DNAH2: variants seen among roughly 807,000 people sequenced by gnomAD.
DNAH2 encodes the protein dynein axonemal heavy chain 2, also known as axonemal beta dynein heavy chain 2.
Under a neutral mutation model 523.5 loss-of-function variants are expected in DNAH2, and 323 were observed. The ratio of observed to expected loss-of-function variants is 0.62; its 90% CI spans 0.56 to 0.68. The LOEUF (loss-of-function observed/expected upper bound fraction) is 0.68. Among genes scored for constraint, DNAH2 ranks in the 30% least tolerant of loss-of-function variants. The pLI, the probability that DNAH2 is intolerant of heterozygous loss-of-function variation, is 0.00. For missense variants in DNAH2, 4,907 were observed against 5,701.5 expected, an observed-to-expected ratio of 0.86 and a Z score of 4.49; for synonymous variants, 2,093 against 2,177.4, an observed-to-expected ratio of 0.96 and a Z score of 1.08.
At position 7,780,936 on chromosome 17, in the gene DNAH2, C is replaced by A. The variant is rs780183577; in HGVS notation, c.6004-106C>A. 5 of 1,585,088 alleles carry A rather than the reference C, an allele frequency of 3.2e-6. No homozygotes were observed. Among genetic ancestry groups the A allele is most frequent in the Non-Finnish European group, 4.3e-6 (5 of 1,161,036 alleles). ...GTGTTGCCCGCTGCTTTGCTAATGG[C>A]TAACTGGTGTATCCATTGTTCTTGG... On this transcript the variant is annotated intron_variant, in intron 38 of 85. Transcript: ENST00000572933. This position sits in a 1 kb window ranked among gnomAD's most constrained non-coding sequence, Gnocchi z 4.4.
In DNAH2 at chr17:7,763,997, G is replaced by A; in HGVS notation, c.3145G>A (p.Glu1049Lys). 6.2e-7 allele frequency: 1 copy of A among 1,614,186 alleles called. No homozygotes were observed. Among genetic ancestry groups the A allele is most frequent in the South Asian group, 1.1e-5 (1 of 91,084 alleles). Residue 1049 changes from glutamate to lysine, a missense_variant, in exon 19 of 86, where the codon GAG becomes AAG. Transcript: ENST00000572933. ...GGAGATGGCTGCTGGGCGCCTCCTG[G>A]AGCTGCACACCTACCTGAAGGAGAA... The part of the protein sequence containing the change: ...LREMAAGRLL[E>K]LHTYLKENAE...
rs2076139747 is a variant in DNAH2, at chr17:7,765,439, C to T, written c.3385C>T (p.Gln1129Ter). The T allele has an allele frequency of 6.2e-7, 1 of 1,614,108 alleles. No individual in the cohort carries two copies. The highest frequency in any genetic ancestry group is 8.5e-7 in the Non-Finnish European group (1 of 1,180,036). The change falls in exon 21 of 86, where the codon CAA becomes TAA. Residue 1129 changes from glutamine (Q) to a stop codon, truncating the protein, a stop_gained. Coordinates refer to ENST00000572933, the MANE Select transcript of DNAH2 (RefSeq NM_020877.5). LOFTEE classifies it high-confidence loss of function. ...CAACGGGGAGTGGGTTGTCTTCCAA[C>T]AAACTCTGCTGGACAGTAAGCAAAT... ...SLNGEWVVFQQTLLDSKQMLK... is the reference protein window; with the variant it reads ...SLNGEWVVFQ
chr17:7,807,670 T>C lies in DNAH2; in HGVS notation c.9729+84T>C. 1 of 1,215,282 alleles carries C rather than the reference T, an allele frequency of 8.2e-7. No individual in the cohort carries two copies. The highest frequency in any genetic ancestry group is 1.2e-6 in the Non-Finnish European group (1 of 842,876). 75.3% of individuals were successfully genotyped at this position (1,215,282 alleles called of 1,614,324 possible). On this transcript the variant is annotated intron_variant, in intron 63 of 85. Transcript: ENST00000572933. This position sits in a 1 kb window ranked among gnomAD's most constrained non-coding sequence, Gnocchi z 5.6. ...CATTAAGCATTTGTTTTCCCCCATCTAATTCTAGCCCCCTTCCCCATGTCC... is the reference window on the plus strand; with the variant it reads ...CATTAAGCATTTGTTTTCCCCCATCCAATTCTAGCCCCCTTCCCCATGTCC...
chr17:7,824,557 A>C lies in DNAH2; in HGVS notation c.11683A>C (p.Asn3895His). The part of the protein sequence containing the change: ...VTQGHWVFLA[N>H]CHLSLSWMPN... ...TGCAGGACACTGGGTGTTCCTGGCA[A>C]ACTGCCACCTGTCACTGTCTTGGAT... The change falls in exon 77 of 86, where the codon AAC (asparagine) becomes CAC (histidine). Residue 3895 changes from asparagine to histidine, a missense_variant. By Grantham distance (68) the Asn-to-His change is moderately conservative. Transcript: ENST00000572933. 1 of 1,570,714 alleles carries C rather than the reference A, an allele frequency of 6.4e-7. No homozygotes were observed. Among genetic ancestry groups the C allele is most frequent in the Non-Finnish European group, 8.7e-7 (1 of 1,151,364 alleles).
At chr17:7,722,123 C>T (rs938716184) in intron 2 of DNAH2, among the ~76,000 whole-genome samples, 5 of 151,718 alleles carry the variant, frequency 3.3e-5, no homozygotes, top group East Asian at 1.9e-4. Context: ...CTCAGCCTCC[C>T]GAGTAGCTGG....
intron 18 of DNAH2, among the ~76,000 whole-genome samples, chr17:7,762,718 A>G (rs953737616): frequency 6.6e-6 from 1 of 152,112 alleles, no homozygotes; most frequent in Non-Finnish European, 1.5e-5. Context: ...AAAGGCATAA[A>G]GATGTGAGTC....
At position 7,786,741 on chromosome 17, in the gene DNAH2, G is replaced by T. The variant is rs1485632516; in HGVS notation, c.6466+54G>T. Reference sequence around the variant, plus strand: ...GCAGACGCCTGAGTCTCCTAAGGGGGCAGGGAGTCTGGGGATAGGAAGTTC... The same window carrying T: ...GCAGACGCCTGAGTCTCCTAAGGGGTCAGGGAGTCTGGGGATAGGAAGTTC... On this transcript the variant is annotated intron_variant, in intron 41 of 85. Coordinates refer to ENST00000572933, the MANE Select transcript of DNAH2 (RefSeq NM_020877.5). This position sits in a 1 kb window ranked among gnomAD's most constrained non-coding sequence, Gnocchi z 7.5. The T allele has an allele frequency of 6.9e-6, 11 of 1,602,056 alleles. No homozygotes were observed. The highest frequency in any genetic ancestry group is 8.5e-6 in the Non-Finnish European group (10 of 1,170,384).
Position 7,765,525 on chromosome 17 carries a change from G to T in DNAH2, c.3471G>T (p.Lys1157Asn). 2 of 1,614,168 alleles carry T rather than the reference G, an allele frequency of 1.2e-6. No homozygotes were observed. Among genetic ancestry groups the T allele is most frequent in the Non-Finnish European group, 1.7e-6 (2 of 1,180,008 alleles). ...TGATCCACTCGGCAGATGACTTCAAGAAGAAAGCACATACACTTCTGGAAG... is the reference window on the plus strand; with the variant it reads ...TGATCCACTCGGCAGATGACTTCAATAAGAAAGCACATACACTTCTGGAAG... ...TGLIHSADDF[K>N]KKAHTLLEDF... Residue 1157 changes from lysine (K) to asparagine (N), a missense_variant, in exon 21 of 86, where the codon AAG becomes AAT. Coordinates refer to ENST00000572933, the MANE Select transcript of DNAH2 (RefSeq NM_020877.5).
rs2078071942 is a variant in DNAH2, at chr17:7,828,127, C to T, written c.11854-2173C>T. On this transcript the variant is annotated intron_variant, in intron 77 of 85. Coordinates refer to ENST00000572933, the MANE Select transcript of DNAH2 (RefSeq NM_020877.5). The surrounding 1 kb of genome is among the most constrained non-coding windows in gnomAD (Gnocchi z 4.1). ...AGAGACTGGATTTCACCATGTTGGC[C>T]AGGCTGGTCTTGGACTCCTGGACTT... Among the ~76,000 whole-genome samples the T allele has an allele frequency of 3.3e-5, 5 of 152,062 alleles. No individual in the cohort carries two copies. Among genetic ancestry groups the T allele is most frequent in the African/African-American group, 9.7e-5 (4 of 41,328 alleles).
rs139598684 is a variant in DNAH2 at position 7,831,161 on chromosome 17, G to A, written c.12306G>A (p.Leu4102=). 3.1e-6 allele frequency: 5 copies of A among 1,614,140 alleles called. No individual in the cohort carries two copies. Among genetic ancestry groups the A allele is most frequent in the Non-Finnish European group, 4.2e-6 (5 of 1,180,030 alleles). Residue 4102 remains leucine (L), a synonymous_variant, in exon 80 of 86, where the codon TTG becomes TTA. Transcript: ENST00000572933. This position sits in a 1 kb window ranked among gnomAD's most constrained non-coding sequence, Gnocchi z 4.2. The part of the protein sequence containing the change: ...LASYKEYISL[L]PGMDPPEAFG... ...CTTACAAGGAATACATCAGCTTATT[G>A]CCTGGCATGGACCCCCCTGAGGCCT... is the stretch of plus-strand genomic sequence containing the variant.
At position 7,734,601 on chromosome 17, in the gene DNAH2, A is replaced by G; in HGVS notation, c.871A>G (p.Ile291Val). Reference protein sequence around the residue: ...WRNRCMDLSGISKQLVKKGVK... With the variant: ...WRNRCMDLSGVSKQLVKKGVK... The stretch of plus-strand genomic sequence containing the variant: ...CAACCGATGCATGGACCTGTCTGGC[A>G]TCAGTAAGCAGCTGGTGAAGAAGGG... The change falls in exon 7 of 86, where the codon ATC becomes GTC. Residue 291 changes from isoleucine (I) to valine (V), a missense_variant. This residue lies in a region of DNAH2 where 2,806 missense variants were observed against 3,190.8 expected (regional missense o/e 0.88). Transcript: ENST00000572933. 3.1e-6 allele frequency: 5 copies of G among 1,613,682 alleles called. No individual in the cohort carries two copies. Among genetic ancestry groups the G allele is most frequent in the Non-Finnish European group, 4.2e-6 (5 of 1,179,990 alleles).
chr17:7,793,753 T>C (rs905185692), intron 48 of DNAH2, among the ~76,000 whole-genome samples: 3 of 151,892 alleles, frequency 2.0e-5, no homozygotes, highest in Non-Finnish European at 4.4e-5. Flanking sequence ...GCCTGAGCCA[T>C]GCTCCCGGCT....
Position 7,780,652 on chromosome 17 carries a change from C to G in DNAH2, c.5873C>G (p.Thr1958Arg). The G allele has an allele frequency of 6.2e-7, 1 of 1,614,172 alleles. No individual in the cohort carries two copies. Among genetic ancestry groups the G allele is most frequent in the Non-Finnish European group, 8.5e-7 (1 of 1,180,048 alleles). The change falls in exon 38 of 86, where the codon ACA becomes AGA. Residue 1958 changes from threonine (T) to arginine (R), a missense_variant. Physicochemically the swap from Thr to Arg is moderately conservative, Grantham distance 71. Around this residue, in one of 3 missense-constraint regions of DNAH2, gnomAD observed 2,806 missense variants for 3,190.8 expected, o/e 0.88. Coordinates refer to ENST00000572933, the MANE Select transcript of DNAH2 (RefSeq NM_020877.5). The surrounding 1 kb of genome is among the most constrained non-coding windows in gnomAD (Gnocchi z 4.4). Reference protein sequence around the residue: ...NCKILAKKVYTLYSLAVQQLS... With the variant: ...NCKILAKKVYRLYSLAVQQLS... ...CAGATTCTGGCCAAGAAGGTGTACA[C>G]ACTCTACTCACTGGCTGTGCAGCAG...
intron 44 of DNAH2, among the ~76,000 whole-genome samples, chr17:7,789,699 C>T (rs1312526325): frequency 6.6e-6 from 1 of 151,874 alleles, no homozygotes; most frequent in Non-Finnish European, 1.5e-5. Flanking sequence ...GCCTCAGCCT[C>T]CTGAGTAGCT....
intron 12 of DNAH2, 31 bp downstream of exon 12, chr17:7,743,173 T>A (rs757706009): frequency 2.5e-6 from 4 of 1,608,794 alleles, no homozygotes. Context: ...CTTTTCCCTA[T>A]ACTCCCCTTC....
At chr17:7,794,223 C>A in intron 48 of DNAH2, 31 bp from the exon 49 acceptor site, 1 of 1,550,438 alleles carries the variant, frequency 6.4e-7, no homozygotes, top group Non-Finnish European at 8.8e-7. Context: ...TCCCCTCCTG[C>A]CTGTCTGCCC....
At chr17:7,797,859 C>A in intron 53 of DNAH2, 30 bp downstream of exon 53, 1 of 1,586,616 alleles carries the variant, frequency 6.3e-7, no homozygotes, top group South Asian at 1.2e-5. Context: ...ATCCCCTTCC[C>A]CATCATCTCA....
intron 20 of DNAH2, among the ~76,000 whole-genome samples, chr17:7,764,495 C>G (rs1402571279): frequency 6.7e-6 from 1 of 150,042 alleles, no homozygotes; most frequent in African/African-American, 2.5e-5. Flanking sequence ...GAGTCTGGCT[C>G]TGTCACCCAG....
At chr17:7,766,262 G>C in intron 21 of DNAH2, 56 bp from the exon 22 acceptor site, 1 of 1,583,194 alleles carries the variant, frequency 6.3e-7, no homozygotes, top group Non-Finnish European at 8.6e-7. Context: ...GGAGAGCCAT[G>C]GCTGTCCTTG....
Sources: gnomAD v4.1 joint callset for allele counts (sites outside exome capture counted in the v4.1 genomes callset) on GRCh38, gnomAD v4.1.1 for gene constraint, gnomAD v4.1.1 regional missense constraint, Gnocchi (gnomAD v3.1) non-coding constraint, MANE v1.5 for transcripts, NCBI Gene and HGNC (gene_info 2026-07-23, HGNC 2026-07-21) for gene names.